The following FRAS1 variants were observed in gnomAD, a reference collection of about 807,000 sequenced individuals.
FRAS1 encodes the protein Fraser extracellular matrix complex subunit 1, also known as extracellular matrix organizing protein FRAS1.
In FRAS1, 290 loss-of-function variants were observed where a neutral mutation model predicts 435.2. The ratio of observed to expected loss-of-function variants is 0.67; its 90% confidence interval spans 0.61 to 0.73. The LOEUF (loss-of-function observed/expected upper bound fraction) is 0.73. Ranked by LOEUF, FRAS1 falls within the 30% of genes least tolerant of loss-of-function variation. The pLI, the probability that FRAS1 is intolerant of heterozygous loss-of-function variation, is 0.00. For missense variants in FRAS1, 4,860 were observed against 5,001.5 expected (o/e 0.97, Z 0.85); for synonymous variants, 1,800 against 1,851.0 (o/e 0.97, Z 0.71).
At chr4:78,156,152 G>T (rs1434430907) in intron 2 of FRAS1, among the ~76,000 whole-genome samples, 1 of 152,074 alleles carries the variant, frequency 6.6e-6, no homozygotes, top group Non-Finnish European at 1.5e-5. Context: ...AGTATTCAAA[G>T]GGCGGAGGTG....
Position 78,464,536 on chromosome 4 carries a change from A to G in FRAS1, c.6982A>G (p.Lys2328Glu). The G allele has an allele frequency of 6.2e-7, 1 of 1,613,952 alleles. No individual in the cohort carries two copies. The highest frequency in any genetic ancestry group is 8.5e-7 in the Non-Finnish European group (1 of 1,179,868). The change falls in exon 49 of 74, where the codon AAG becomes GAG. Residue 2328 changes from lysine (K) to glutamate (E), a missense_variant. By Grantham distance (56) the Lys-to-Glu change is moderately conservative (BLOSUM62 1). Transcript: ENST00000512123. ...AATGCGGGTGCAGGAGGGCATGAGG[A>G]AGACCATCACAGAGTTTGAGCTTAA... Reference protein sequence around the residue: ...LGMRVQEGMRKTITEFELKAV... With the variant: ...LGMRVQEGMRETITEFELKAV...
chr4:78,401,702 C>T (rs868251205), intron 30 of FRAS1, among the ~76,000 whole-genome samples: 17 of 143,738 alleles, frequency 1.2e-4, no homozygotes, highest in Non-Finnish European at 1.9e-4. Context: ...GAGAAATCTG[C>T]CTCTTTCTTG....
In FRAS1 at chr4:78,439,743, C is replaced by T. The variant is rs748669316; in HGVS notation, c.5529+679C>T. On this transcript the variant is annotated intron_variant, in intron 40 of 73. Coordinates refer to ENST00000512123, the MANE Select transcript of FRAS1 (RefSeq NM_025074.7). ...ACTCTTGGGCTCAAGCAATCCTCCCCGCTCAGCCTCCCTAGTAAGTGAGAC... is the reference window on the plus strand; with the variant it reads ...ACTCTTGGGCTCAAGCAATCCTCCCTGCTCAGCCTCCCTAGTAAGTGAGAC... 1.9e-4 allele frequency among the ~76,000 whole-genome samples: 29 copies of T among 152,212 alleles called. No individual in the cohort carries two copies. In the Middle Eastern group the frequency reaches 0.01, roughly 54 times the overall value.
At chr4:78,340,483 T>G (rs973198018) in intron 20 of FRAS1, among the ~76,000 whole-genome samples, 6 of 152,252 alleles carry the variant, frequency 3.9e-5, no homozygotes, top group Admixed American at 3.3e-4. Context: ...AGCATTGCAA[T>G]GCATTCACTC....
chr4:78,276,263 C>G (rs193215244), intron 9 of FRAS1, among the ~76,000 whole-genome samples: 1 of 152,292 alleles, frequency 6.6e-6, no homozygotes, highest in East Asian at 1.9e-4. Flanking sequence ...GATTTGAACT[C>G]CCTCCTTTAG....
At position 78,281,367 on chromosome 4, in the gene FRAS1, G is replaced by GC. The variant is rs1456466678; in HGVS notation, c.1072-30dup. 6.0e-6 allele frequency: 9 copies of GC among 1,495,570 alleles called. No homozygotes were observed. In the East Asian group the frequency reaches 1.9e-4, roughly 31 times the overall value. 92.6% of individuals were successfully genotyped at this position (1,495,570 alleles called of 1,614,324 possible). On this transcript the variant is annotated intron_variant, in intron 10 of 73. Transcript: ENST00000512123. ...AATCAGCCTAATGGTGTTTTTAGTG[G>GC]CATAATAAAGACATTTCTCTTTGTT...
At chr4:78,383,927 G>T (rs929553789) in intron 27 of FRAS1, 132 bp from the exon 28 acceptor site, 5 of 632,904 alleles carry the variant, frequency 7.9e-6, no homozygotes, top group Non-Finnish European at 1.4e-5. Context: ...TATAGTATGA[G>T]TGTGACATTA....
intron 22 of FRAS1, among the ~76,000 whole-genome samples, chr4:78,367,872 A>G (rs908701713): frequency 6.6e-6 from 1 of 152,194 alleles, no homozygotes. Flanking sequence ...TTTAAATATT[A>G]TTGACATGGT....
chr4:78,289,797 A>T (rs1023579479), intron 14 of FRAS1, among the ~76,000 whole-genome samples: 3 of 152,068 alleles, frequency 2.0e-5, no homozygotes, highest in Non-Finnish European at 4.4e-5. Context: ...GCCAGGCTTT[A>T]TCCATGTATG....
At chr4:78,095,391 T>C (rs1741747011) in intron 2 of FRAS1, among the ~76,000 whole-genome samples, 2 of 152,222 alleles carry the variant, frequency 1.3e-5, no homozygotes, top group African/African-American at 4.8e-5. Flanking sequence ...ATCTATTTAA[T>C]TACTGGTTGG....
rs764101914 is a variant in FRAS1, at chr4:78,497,003, G to A, written c.9115+42G>A. ...TCTTTAGTTACTCTTAGGTTGAGGG[G>A]ACATAAACTGATGTTTAACTAATTA... On this transcript the variant is annotated intron_variant, in intron 60 of 73. Transcript: ENST00000512123. The A allele has an allele frequency of 5.4e-6, 8 of 1,474,842 alleles. No individual in the cohort carries two copies. In the South Asian group the frequency reaches 8.4e-5, roughly 16 times the overall value. The allele number at this position is 1,474,842 out of a possible 1,614,324, so 91.4% of individuals were successfully genotyped here. A position where few individuals can be genotyped will look rare whatever the true frequency, so the allele number is the denominator to read the frequency against.
At chr4:78,467,120 A>G (rs1719556245) in intron 50 of FRAS1, among the ~76,000 whole-genome samples, 1 of 152,164 alleles carries the variant, frequency 6.6e-6, no homozygotes, top group Non-Finnish European at 1.5e-5. Flanking sequence ...TAAAATGCAC[A>G]ATTAAATTAT....
rs750766500 is a variant in FRAS1, at chr4:78,369,870, C to T, written c.2755C>T (p.Gln919Ter). 6.2e-7 allele frequency: 1 copy of T among 1,613,094 alleles called. No individual in the cohort carries two copies. Among genetic ancestry groups the T allele is most frequent in the African/African-American group, 1.3e-5 (1 of 74,826 alleles). Residue 919 changes from glutamine to a stop codon, truncating the protein, a stop_gained, in exon 23 of 74, where the codon CAG becomes TAG. Coordinates refer to ENST00000512123, the MANE Select transcript of FRAS1 (RefSeq NM_025074.7). LOFTEE classifies it high-confidence loss of function. ...CACACACTGTGGAAGCTGTGATTCA[C>T]AGGCCAGCTGTACCTCCTGCCGAGA... is the stretch of plus-strand genomic sequence containing the variant. Reference protein sequence around the residue: ...CNTHCGSCDSQASCTSCRDPN... With the variant: ...CNTHCGSCDS
intron 2 of FRAS1, among the ~76,000 whole-genome samples, chr4:78,220,480 G>T (rs1047978805): frequency 6.6e-6 from 1 of 152,100 alleles, no homozygotes; most frequent in African/African-American, 2.4e-5. Context: ...AGACCAAATG[G>T]CCCACAATGT....
Position 78,488,966 on chromosome 4 carries a change from C to A in FRAS1, c.8844C>A (p.Ser2948Arg), listed in dbSNP as rs778096225. ...CTATCACTCGGAGCGGAGACCTGAGCTATGAGTCATCAGTGAGGTGCTATA... is the reference window on the plus strand; with the variant it reads ...CTATCACTCGGAGCGGAGACCTGAGATATGAGTCATCAGTGAGGTGCTATA... ...HVPITRSGDL[S>R]YESSVRCYTQ... Residue 2948 changes from serine (S) to arginine (R), a missense_variant, in exon 59 of 74, where the codon AGC becomes AGA. Physicochemically the swap from Ser to Arg is moderately radical, Grantham distance 110. Transcript: ENST00000512123. 8 of 1,613,668 alleles carry A rather than the reference C, an allele frequency of 5.0e-6. No individual in the cohort carries two copies. Among genetic ancestry groups the A allele is most frequent in the Non-Finnish European group, 6.8e-6 (8 of 1,179,758 alleles).
intron 32 of FRAS1, among the ~76,000 whole-genome samples, chr4:78,415,258 G>A (rs113455203): frequency 1.3e-5 from 2 of 152,066 alleles, no homozygotes; most frequent in African/African-American, 4.8e-5. Context: ...TACAAATTGA[G>A]TTCAGTGCAT....
At chr4:78,459,561 T>G (rs1414321284) in intron 47 of FRAS1, among the ~76,000 whole-genome samples, 2 of 152,242 alleles carry the variant, frequency 1.3e-5, no homozygotes, top group East Asian at 3.8e-4. Context: ...TATTTCAACC[T>G]CTTTCAGTAT....
At chr4:78,307,395 G>A (rs1728801858) in intron 14 of FRAS1, among the ~76,000 whole-genome samples, 1 of 152,252 alleles carries the variant, frequency 6.6e-6, no homozygotes, top group African/African-American at 2.4e-5. Context: ...GGTCCACCCA[G>A]TTGGAGCTTC....
At position 78,359,186 on chromosome 4, in the gene FRAS1, G is replaced by A. The variant is rs193275036; in HGVS notation, c.2423-4327G>A. ...CTTCTGTGTAGATCACAGCATCCCC[G>A]GGCTTGTACCTGAAGCCTGCTCACA... On this transcript the variant is annotated intron_variant, in intron 20 of 73. Coordinates refer to ENST00000512123, the MANE Select transcript of FRAS1 (RefSeq NM_025074.7). Among the ~76,000 whole-genome samples the A allele has an allele frequency of 8.6e-4, 106 of 123,856 alleles. 1 individual carries two copies. In the Middle Eastern group the frequency reaches 0.039, roughly 46 times the overall value. 81.3% of individuals were successfully genotyped at this position (123,856 alleles called of 152,430 possible). A position where few individuals can be genotyped will look rare whatever the true frequency, so the allele number is the denominator to read the frequency against.
Sources: gnomAD v4.1 joint callset for allele counts (sites outside exome capture counted in the v4.1 genomes callset) on GRCh38, gnomAD v4.1.1 for gene constraint, MANE v1.5 for transcripts, NCBI Gene and HGNC (gene_info 2026-07-23, HGNC 2026-07-21) for gene names.